The following DNAH12 variants were observed in gnomAD, a reference collection of about 807,000 sequenced individuals.
The protein encoded by DNAH12 is axonemal beta dynein heavy chain 12.
In DNAH12, 285 loss-of-function variants were observed where a neutral mutation model predicts 371.5. That is an observed-to-expected ratio of 0.77 (90% CI 0.70 to 0.85). The LOEUF (loss-of-function observed/expected upper bound fraction) is 0.85. Among genes scored for constraint, DNAH12 ranks in the 40% least tolerant of loss-of-function variants. The pLI is 0.00. For synonymous variants in DNAH12, 1,200 were observed against 1,213.0 expected (o/e 0.99, Z 0.22); for missense variants, 3,611 against 3,689.4 (o/e 0.98, Z 0.55).
intron 25 of DNAH12, among the ~76,000 whole-genome samples, chr3:57,449,628 C>G (rs889581763): frequency 6.6e-6 from 1 of 152,208 alleles, no homozygotes; most frequent in Non-Finnish European, 1.5e-5. Flanking sequence ...CAGGGCTGGC[C>G]GGCTGCTCAG....
chr3:57,343,534 T>C (rs2062457080), intron 60 of DNAH12, among the ~76,000 whole-genome samples: 1 of 152,254 alleles, frequency 6.6e-6, no homozygotes, highest in Non-Finnish European at 1.5e-5. Flanking sequence ...CCTCTGCCCT[T>C]GAAAGCTGGG....
At chr3:57,547,805 C>T (rs1351641457), upstream of DNAH12, among the ~76,000 whole-genome samples, 1 of 152,122 alleles carries the variant, frequency 6.6e-6, no homozygotes, top group East Asian at 1.9e-4. Flanking sequence ...AATTTTTGTT[C>T]TACTTGATAA....
At chr3:57,308,717 A>G (rs1002128516) in intron 69 of DNAH12, among the ~76,000 whole-genome samples, 4 of 152,158 alleles carry the variant, frequency 2.6e-5, no homozygotes, top group Non-Finnish European at 5.9e-5. Context: ...CTTAACTCTT[A>G]AAGTAAATAA....
At chr3:57,509,861 T>TAAAAAAAAAAAAAAAAAA (rs902155403) in intron 5 of DNAH12, among the ~76,000 whole-genome samples, 7 of 46,560 alleles carry the variant, frequency 1.5e-4, no homozygotes, top group Non-Finnish European at 2.7e-4. Context: ...GACTCCATCA[T>TAAAAAAAAAAAAAAAAAA]AAAAAAAAAA....
At chr3:57,388,162 C>T (rs1288411768) in intron 45 of DNAH12, among the ~76,000 whole-genome samples, 4 of 152,158 alleles carry the variant, frequency 2.6e-5, no homozygotes, top group African/African-American at 9.7e-5. Flanking sequence ...TTTGGACGTG[C>T]TTTTCCCTCT....
intron 16 of DNAH12, among the ~76,000 whole-genome samples, chr3:57,469,607 A>T (rs906050859): frequency 2.0e-5 from 3 of 152,128 alleles, no homozygotes; most frequent in East Asian, 1.9e-4. Flanking sequence ...TGGATTGAAT[A>T]AAAAAAATTT....
chr3:57,338,886 C>T lies in DNAH12; in HGVS notation c.9675-3946G>A, dbSNP rs140967989. Among the ~76,000 whole-genome samples the T allele has an allele frequency of 4.1e-4, 62 of 152,268 alleles. No homozygotes were observed. In the East Asian group the frequency reaches 9.6e-3, roughly 24 times the overall value. On this transcript the variant is annotated intron_variant, in intron 60 of 73. Transcript: ENST00000495027. ...GTACCCAACAGCTCCGAAGAGACAA[C>T]GACCATTGAGAATGGGCCATGGTGA...
intron 2 of DNAH12, among the ~76,000 whole-genome samples, chr3:57,526,457 A>G (rs1438713782): frequency 6.6e-6 from 1 of 151,424 alleles, no homozygotes; most frequent in African/African-American, 2.4e-5. Flanking sequence ...GTAAAGAAAC[A>G]AAAGAATGGC....
chr3:57,323,413 A>G, intron 63 of DNAH12, 56 bp downstream of exon 63: 1 of 1,486,516 alleles, frequency 6.7e-7, no homozygotes, highest in Non-Finnish European at 8.9e-7. Context: ...AGGAATCAGT[A>G]TTGAGCAAGA....
At chr3:57,299,952 G>C (rs972294609) in intron 70 of DNAH12, among the ~76,000 whole-genome samples, 11 of 152,174 alleles carry the variant, frequency 7.2e-5, no homozygotes, top group African/African-American at 2.7e-4. Flanking sequence ...GCCCCACGTG[G>C]GGGAGAACAA....
intron 11 of DNAH12, among the ~76,000 whole-genome samples, chr3:57,494,396 T>C (rs1487021597): frequency 6.7e-6 from 1 of 150,226 alleles, no homozygotes; most frequent in East Asian, 2.0e-4. Context: ...CTACTAAAAA[T>C]AAAAAAAAAT....
chr3:57,362,819 G>A (rs2062966412), intron 58 of DNAH12, among the ~76,000 whole-genome samples: 1 of 152,138 alleles, frequency 6.6e-6, no homozygotes, highest in South Asian at 2.1e-4. Flanking sequence ...TCTGTAGGTT[G>A]CCTGTTCACT....
chr3:57,356,802 C>T (rs1176085448), intron 59 of DNAH12, among the ~76,000 whole-genome samples: 2 of 151,952 alleles, frequency 1.3e-5, no homozygotes, highest in Non-Finnish European at 2.9e-5. Context: ...TGCGGGGGTG[C>T]CATCTCGACT....
intron 11 of DNAH12, among the ~76,000 whole-genome samples, chr3:57,500,106 G>A (rs1392632259): frequency 6.6e-6 from 1 of 150,990 alleles, no homozygotes; most frequent in African/African-American, 2.4e-5. Flanking sequence ...AGTGGCATGA[G>A]CTCCGCTCAC....
chr3:57,312,811 G>C (rs1267937649), intron 66 of DNAH12, among the ~76,000 whole-genome samples: 1 of 152,184 alleles, frequency 6.6e-6, no homozygotes, highest in Non-Finnish European at 1.5e-5. Flanking sequence ...CTCAACAACT[G>C]TTACAAGGAT....
chr3:57,300,974 T>G (rs933325701), intron 70 of DNAH12, among the ~76,000 whole-genome samples: 1 of 151,974 alleles, frequency 6.6e-6, no homozygotes, highest in African/African-American at 2.4e-5. Context: ...TTTTCTGAGA[T>G]AAGAGGCACT....
At chr3:57,505,481 G>C (rs1015691602) in intron 8 of DNAH12, among the ~76,000 whole-genome samples, 23 of 151,860 alleles carry the variant, frequency 1.5e-4, no homozygotes, top group Non-Finnish European at 2.6e-4. Context: ...CACTCTGTCG[G>C]TCAGGCTGGA....
At chr3:57,410,575 T>C (rs1414944340) in intron 39 of DNAH12, among the ~76,000 whole-genome samples, 2 of 152,024 alleles carry the variant, frequency 1.3e-5, no homozygotes, top group African/African-American at 4.8e-5. Flanking sequence ...TCCCAGTGCT[T>C]TAGGAGGCCA....
chr3:57,448,649 TTC>T (rs575236531), intron 25 of DNAH12, among the ~76,000 whole-genome samples: 133 of 152,354 alleles, frequency 8.7e-4, no homozygotes, highest in African/African-American at 3.0e-3. Flanking sequence ...CCTGCTTTTA[TTC>T]TCTTATCTGG....
Sources: allele counts gnomAD v4.1 joint callset (sites outside exome capture counted in the v4.1 genomes callset), GRCh38; gene constraint gnomAD v4.1.1; transcripts MANE v1.5; gene names NCBI Gene and HGNC (gene_info 2026-07-23, HGNC 2026-07-21).